CEP164: variants seen among roughly 807,000 people sequenced by gnomAD.
CEP164 encodes centrosomal protein of 164 kDa.
In CEP164, 162 loss-of-function variants were observed where a neutral mutation model predicts 182.7. The observed-to-expected ratio is 0.89, with a 90% CI of 0.78 to 1.01. The LOEUF is 1.01. Ranked by LOEUF, CEP164 falls within the 50% of genes least tolerant of loss-of-function variation. CEP164 has a pLI of 0.00. For missense variants in CEP164, 1,735 were observed against 1,790.4 expected, an observed-to-expected ratio of 0.97 and a Z score of 0.56; for synonymous variants, 661 against 690.0, an observed-to-expected ratio of 0.96 and a Z score of 0.66.
chr11:117,388,604 C>T (rs762828895), intron 15 of CEP164, among the ~76,000 whole-genome samples: 13 of 152,106 alleles, frequency 8.5e-5, no homozygotes, highest in Non-Finnish European at 1.8e-4. Flanking sequence ...GGCAGGCTGG[C>T]CCTTAGCTTC....
intron 1 of CEP164, chr11:117,328,356 C>A (rs1166574770): frequency 6.6e-6 from 1 of 152,278 alleles, no homozygotes; most frequent in Non-Finnish European, 1.5e-5. Context: ...GGGTCCAAAT[C>A]CGGGGCTAGC....
At chr11:117,335,735 A>G (rs1394248120) in intron 2 of CEP164, 55 bp downstream of exon 2, 1 of 159,302 alleles carries the variant, frequency 6.3e-6, no homozygotes, top group Non-Finnish European at 1.4e-5. Context: ...TCTACTTCCC[A>G]CCAAACTTGC....
chr11:117,352,044 T>G, intron 5 of CEP164, 56 bp downstream of exon 5: 1 of 1,457,368 alleles, frequency 6.9e-7, no homozygotes, highest in South Asian at 1.3e-5. Context: ...TGGAGGGATG[T>G]TGGGAACCTC....
chr11:117,355,498 C>T, intron 5 of CEP164: 2 of 1,289,070 alleles, frequency 1.6e-6, no homozygotes, highest in Non-Finnish European at 2.0e-6. Context: ...CCAAACTGAG[C>T]CCCACTGGCC....
chr11:117,405,493 C>G (rs1352132946), intron 27 of CEP164, among the ~76,000 whole-genome samples: 1 of 152,148 alleles, frequency 6.6e-6, no homozygotes, highest in Non-Finnish European at 1.5e-5. Flanking sequence ...CACTGTCTAA[C>G]CAGCCCCAAT....
At position 117,378,156 on chromosome 11, in the gene CEP164, A is replaced by G. The variant is rs549963479; in HGVS notation, c.1317+2365A>G. ...AGTGCTGGGATTACAGGCATGAGCC[A>G]CCGTGCTCGGCAAACATAATACATT... On this transcript the variant is annotated intron_variant, in intron 11 of 32. Transcript: ENST00000278935. Among the ~76,000 whole-genome samples, 3 of 152,284 alleles carry G rather than the reference A, an allele frequency of 2.0e-5. No homozygotes were observed. The South Asian group carries it at 6.2e-4, about 32-fold the overall frequency.
intron 3 of CEP164, among the ~76,000 whole-genome samples, chr11:117,339,187 G>T (rs956470421): frequency 1.3e-5 from 2 of 152,188 alleles, no homozygotes; most frequent in Admixed American, 1.3e-4. Flanking sequence ...GTGTGTGGCT[G>T]CTTCTATGCT....
In CEP164 at chr11:117,394,799, G is replaced by C; in HGVS notation, c.2761-121G>C. 1 of 1,045,646 alleles carries C rather than the reference G, an allele frequency of 9.6e-7. No homozygotes were observed. The highest frequency in any genetic ancestry group is 1.4e-6 in the Non-Finnish European group (1 of 692,480). 64.8% of individuals were successfully genotyped at this position (1,045,646 alleles called of 1,614,324 possible). A position where few individuals can be genotyped will look rare whatever the true frequency, so the allele number is the denominator to read the frequency against. On this transcript the variant is annotated intron_variant, in intron 21 of 32. Transcript: ENST00000278935. This position sits in a 1 kb window ranked among gnomAD's most constrained non-coding sequence, Gnocchi z 4.0. ...CTGGGAGGCTGCAGGGGCACACAGC[G>C]AGGAAGCCTGAGCCCAGAGTGGAGG...
intron 17 of CEP164, 113 bp from the exon 18 acceptor site, chr11:117,392,113 C>T: frequency 1.2e-6 from 1 of 818,922 alleles, no homozygotes; most frequent in East Asian, 2.7e-5. Context: ...CTTCCCCATG[C>T]TTCCCTTGAC....
At chr11:117,351,719 T>C (rs2039652023) in intron 4 of CEP164, 71 bp from the exon 5 acceptor site, 2 of 1,465,520 alleles carry the variant, frequency 1.4e-6, no homozygotes, top group East Asian at 4.6e-5. Context: ...CTTTTTCTTT[T>C]TTTCCCCTCT....
chr11:117,373,140 G>A (rs555012586), intron 9 of CEP164, among the ~76,000 whole-genome samples: 2 of 152,212 alleles, frequency 1.3e-5, no homozygotes, highest in South Asian at 2.1e-4. Context: ...AGGCCAAGGC[G>A]GGTGGATCAC....
intron 27 of CEP164, among the ~76,000 whole-genome samples, chr11:117,397,700 C>G (rs937342278): frequency 1.3e-5 from 2 of 152,126 alleles, no homozygotes; most frequent in African/African-American, 2.4e-5. Flanking sequence ...AGAAACCCAT[C>G]ATAAACCCAT....
intron 4 of CEP164, 27 bp downstream of exon 4, chr11:117,344,304 G>T: frequency 6.6e-7 from 1 of 1,519,478 alleles, no homozygotes; most frequent in South Asian, 1.1e-5. Context: ...TGCGGCCACT[G>T]ACTTGGCCTA....
Position 117,372,872 on chromosome 11 carries a change from AG to A in CEP164, c.1153-877del, listed in dbSNP as rs931122227. Among the ~76,000 whole-genome samples the A allele has an allele frequency of 3.5e-4, 54 of 152,222 alleles. 1 individual carries two copies. The highest frequency in any genetic ancestry group is 1.3e-3 in the African/African-American group (54 of 41,460). ...TGTTCTGCCCCAGCGTAGGTAGATT[AG>A]GTGACAAGAAGACCCTTCTCGTCCA... On this transcript the variant is annotated intron_variant, in intron 9 of 32. Coordinates refer to ENST00000278935, the MANE Select transcript of CEP164 (RefSeq NM_014956.5).
Position 117,371,430 on chromosome 11 carries a change from T to G in CEP164, c.1116T>G (p.Ala372=), listed in dbSNP as rs2042180843. 1.2e-6 allele frequency: 2 copies of G among 1,613,630 alleles called. No homozygotes were observed. ...CAGCCAAGGAGCCAAAGAAGAAGGC[T>G]TCTGCTCTGGAAGAGGGCAGTTCAG... ...EEAAKEPKKK[A]SALEEGSSDA... is the part of the protein sequence containing the mutation. The change falls in exon 9 of 33, where the codon GCT becomes GCG. Residue 372 remains alanine (A), a synonymous_variant. Coordinates refer to ENST00000278935, the MANE Select transcript of CEP164 (RefSeq NM_014956.5).
intron 13 of CEP164, among the ~76,000 whole-genome samples, chr11:117,382,177 C>T (rs887484797): frequency 6.6e-6 from 1 of 152,162 alleles, no homozygotes; most frequent in African/African-American, 2.4e-5. Flanking sequence ...TCACAGCTGC[C>T]TCCCTGCAAG....
At chr11:117,354,984 T>C in intron 5 of CEP164, 2 of 1,289,582 alleles carry the variant, frequency 1.6e-6, no homozygotes, top group South Asian at 2.5e-5. Context: ...CTCTGCAGCT[T>C]GTCTCCTCCG....
chr11:117,335,175 G>T (rs1427291811), intron 1 of CEP164, among the ~76,000 whole-genome samples: 1 of 152,200 alleles, frequency 6.6e-6, no homozygotes, highest in African/African-American at 2.4e-5. Context: ...CAGTGGTCAG[G>T]CCTGCGTCGC....
intron 25 of CEP164, 58 bp from the exon 26 acceptor site, chr11:117,396,492 A>G (rs2045481827): frequency 7.0e-7 from 1 of 1,422,246 alleles, no homozygotes; most frequent in Admixed American, 1.7e-5. Flanking sequence ...GGGGTCTTGA[A>G]CCTGCAGGGT....
Sources: allele counts gnomAD v4.1 joint callset (sites outside exome capture counted in the v4.1 genomes callset), GRCh38; gene constraint gnomAD v4.1.1; non-coding constraint Gnocchi (gnomAD v3.1); transcripts MANE v1.5; gene names NCBI Gene and HGNC (gene_info 2026-07-23, HGNC 2026-07-21).